The following SBF2 variants were observed in gnomAD, a reference collection of about 807,000 sequenced individuals.
SBF2 encodes myotubularin-related protein 13.
In SBF2, 112 loss-of-function variants were observed where a neutral mutation model predicts 225.2. The ratio of observed to expected loss-of-function variants is 0.50; its 90% CI spans 0.43 to 0.58. SBF2 has a LOEUF of 0.58. SBF2 is among the 20% of genes least tolerant of loss of function. The pLI is 0.00. For synonymous variants in SBF2, 763 were observed against 773.3 expected (o/e 0.99, Z 0.22); for missense variants, 1,996 against 2,206.2 (o/e 0.90, Z 1.91).
chr11:10,011,806 A>G lies in SBF2; in HGVS notation c.620-9117T>C, dbSNP rs191609664. On this transcript the variant is annotated intron_variant, in intron 6 of 39. Coordinates refer to ENST00000256190, the MANE Select transcript of SBF2 (RefSeq NM_030962.4). ...AGGGTTTGCCTTTCACCAGTTTCAC[A>G]ATCATGCTGTGTCTACATGGGGATT... 2.3e-3 allele frequency among the ~76,000 whole-genome samples: 347 copies of G among 152,312 alleles called. 1 individual carries two copies. Among genetic ancestry groups the G allele is most frequent in the Non-Finnish European group, 3.6e-3 (243 of 68,024 alleles).
intron 1 of SBF2, among the ~76,000 whole-genome samples, chr11:10,267,075 C>T (rs540426498): frequency 6.6e-6 from 1 of 152,230 alleles, no homozygotes; most frequent in African/African-American, 2.4e-5. Context: ...GCCTGGGTGA[C>T]AGTGAGACTC....
At chr11:9,997,297 T>G (rs12294344) in intron 9 of SBF2, among the ~76,000 whole-genome samples, 26,041 of 152,232 alleles carry the variant, frequency 0.17, 2,673 homozygotes, top group East Asian at 0.28. Context: ...TTTCTGATCA[T>G]AAGCACCTAA....
intron 32 of SBF2, among the ~76,000 whole-genome samples, chr11:9,802,187 A>C (rs1284042260): frequency 1.3e-5 from 2 of 152,216 alleles, no homozygotes; most frequent in Non-Finnish European, 2.9e-5. Context: ...ATAAAAATTT[A>C]ATCTTTGTAT....
At chr11:9,824,105 TAGG>T (rs552852698) in intron 28 of SBF2, among the ~76,000 whole-genome samples, 20 of 152,300 alleles carry the variant, frequency 1.3e-4, no homozygotes, top group Non-Finnish European at 2.6e-4. Flanking sequence ...ATAAGTTAAA[TAGG>T]AGATTTTAAT....
At chr11:9,784,173 G>A (rs549247724) in intron 38 of SBF2, among the ~76,000 whole-genome samples, 178 bp downstream of exon 38, 8 of 152,274 alleles carry the variant, frequency 5.3e-5, no homozygotes, top group South Asian at 2.1e-4. Flanking sequence ...CCCTCAGAAG[G>A]CTATTGCCCT....
chr11:9,937,359 T>C (rs555213881), intron 16 of SBF2, among the ~76,000 whole-genome samples: 2 of 152,220 alleles, frequency 1.3e-5, no homozygotes, highest in East Asian at 1.9e-4. Context: ...ATTTCATCTA[T>C]TAAATCAGGA....
intron 2 of SBF2, among the ~76,000 whole-genome samples, chr11:10,133,073 C>G (rs1003939137): frequency 2.0e-5 from 3 of 148,138 alleles, no homozygotes; most frequent in Non-Finnish European, 4.5e-5. Flanking sequence ...TTGAGCTAGA[C>G]ATAAAGGTTC....
chr11:9,846,043 G>A (rs1446229520), intron 23 of SBF2, among the ~76,000 whole-genome samples: 1 of 152,154 alleles, frequency 6.6e-6, no homozygotes, highest in Non-Finnish European at 1.5e-5. Flanking sequence ...TCAACTGGTT[G>A]GTTCCAGATA....
chr11:10,252,134 T>G (rs546336573), intron 1 of SBF2, among the ~76,000 whole-genome samples: 1 of 152,316 alleles, frequency 6.6e-6, no homozygotes. Context: ...CATAAGGAGG[T>G]ACCCTCTACT....
At chr11:9,945,314 T>C (rs575719800) in intron 16 of SBF2, among the ~76,000 whole-genome samples, 2 of 152,270 alleles carry the variant, frequency 1.3e-5, no homozygotes, top group African/African-American at 4.8e-5. Context: ...CCATCTGATC[T>C]TCAATAAAGT....
At chr11:9,876,648 C>T (rs1859267502) in intron 17 of SBF2, among the ~76,000 whole-genome samples, 1 of 152,204 alleles carries the variant, frequency 6.6e-6, no homozygotes, top group African/African-American at 2.4e-5. Flanking sequence ...GAACTTTGAT[C>T]TTGAGAAAAT....
chr11:10,023,898 T>C (rs1354552724), intron 6 of SBF2, among the ~76,000 whole-genome samples: 1 of 152,158 alleles, frequency 6.6e-6, no homozygotes, highest in Non-Finnish European at 1.5e-5. Context: ...ACATTTTGAC[T>C]TATGTACATA....
chr11:10,097,972 C>G (rs918344423), intron 2 of SBF2, among the ~76,000 whole-genome samples: 5 of 151,998 alleles, frequency 3.3e-5, no homozygotes, highest in African/African-American at 1.2e-4. Flanking sequence ...GGTGGGGACT[C>G]AAAACAACTA....
Position 10,276,591 on chromosome 11 carries a change from C to A in SBF2, c.55+17424G>T, listed in dbSNP as rs1019577571. Among the ~76,000 whole-genome samples the A allele has an allele frequency of 1.2e-4, 18 of 152,310 alleles. No individual in the cohort carries two copies. In the South Asian group the frequency reaches 3.7e-3, roughly 32 times the overall value. ...TATAGACAAAAGTTTTGATTTAAAG[C>A]CAGAAAACTGGGTTCAAGTTTCATT... is the stretch of plus-strand genomic sequence containing the variant. On this transcript the variant is annotated intron_variant, in intron 1 of 39. Coordinates refer to ENST00000256190, the MANE Select transcript of SBF2 (RefSeq NM_030962.4).
intron 2 of SBF2, among the ~76,000 whole-genome samples, chr11:10,100,857 T>C (rs1952268244): frequency 6.6e-6 from 1 of 152,194 alleles, no homozygotes; most frequent in African/African-American, 2.4e-5. Flanking sequence ...GGTGTCTGTC[T>C]TGGTTCAGCC....
intron 28 of SBF2, chr11:9,828,209 C>G (rs1305134316): frequency 6.2e-6 from 8 of 1,289,372 alleles, no homozygotes; most frequent in Non-Finnish European, 8.1e-6. Flanking sequence ...TCTTGAAGTC[C>G]TCCTTTCAGT....
chr11:10,284,353 A>G (rs1963604249), intron 1 of SBF2, among the ~76,000 whole-genome samples: 1 of 152,158 alleles, frequency 6.6e-6, no homozygotes, highest in Non-Finnish European at 1.5e-5. Context: ...TCAAAATATA[A>G]AACAATTTTA....
chr11:10,130,524 TTA>T (rs760438391), intron 2 of SBF2, among the ~76,000 whole-genome samples: 8 of 152,316 alleles, frequency 5.3e-5, no homozygotes, highest in Non-Finnish European at 1.0e-4. Context: ...TGGTTATTTC[TTA>T]TATAATACAA....
intron 28 of SBF2, among the ~76,000 whole-genome samples, chr11:9,817,941 A>G (rs539207568): frequency 2.0e-5 from 3 of 152,076 alleles, no homozygotes; most frequent in East Asian, 1.9e-4. Context: ...TCAGAAGCCT[A>G]TATCTTTATT....
Sources: gnomAD v4.1 joint callset for allele counts (sites outside exome capture counted in the v4.1 genomes callset) on GRCh38, gnomAD v4.1.1 for gene constraint, MANE v1.5 for transcripts, NCBI Gene and HGNC (gene_info 2026-07-23, HGNC 2026-07-21) for gene names.